The following AKNAD1 variants were observed in gnomAD, a reference collection of about 807,000 sequenced individuals.
The protein encoded by AKNAD1 is AKNA domain containing 1, also known as protein AKNAD1.
AKNAD1 carries 67 observed loss-of-function variants against 90.8 expected under a neutral mutation model. The ratio of observed to expected loss-of-function variants is 0.74; its 90% confidence interval spans 0.61 to 0.90. The LOEUF (loss-of-function observed/expected upper bound fraction) is 0.90. Among genes scored for constraint, AKNAD1 ranks in the 40% least tolerant of loss-of-function variants. The pLI, the probability that AKNAD1 is intolerant of heterozygous loss-of-function variation, is 0.00. For synonymous variants in AKNAD1, 327 were observed against 341.4 expected (o/e 0.96, Z 0.46); for missense variants, 957 against 975.4 (o/e 0.98, Z 0.25).
chr1:108,823,000 C>T lies in AKNAD1; in HGVS notation c.2167+370G>A, dbSNP rs1663866343. On this transcript the variant is annotated intron_variant, in intron 13 of 15. Coordinates refer to ENST00000370001, the MANE Select transcript of AKNAD1 (RefSeq NM_152763.5). ...TAGTCTACTTCTCTACATGCTGACT[C>T]TTAGTAGGGATATATGTAAAGCATT... 5.1e-6 allele frequency: 3 copies of T among 591,118 alleles called. No homozygotes were observed. In the Admixed American group the frequency reaches 9.1e-5, roughly 18 times the overall value. The allele number at this position is 591,118 out of a possible 1,614,324, so 36.6% of individuals were successfully genotyped here.
At chr1:108,817,965 G>T (rs1390792842) in intron 14 of AKNAD1, among the ~76,000 whole-genome samples, 1 of 152,180 alleles carries the variant, frequency 6.6e-6, no homozygotes, top group Non-Finnish European at 1.5e-5. Flanking sequence ...AAGTAAACAG[G>T]CTCCCCTTGC....
intron 13 of AKNAD1, among the ~76,000 whole-genome samples, chr1:108,822,086 C>T (rs1663831149): frequency 6.6e-6 from 1 of 152,032 alleles, no homozygotes; most frequent in African/African-American, 2.4e-5. Flanking sequence ...AATCTTGATT[C>T]TTTGGTGGTC....
chr1:108,839,367 G>A (rs949613204), intron 6 of AKNAD1, among the ~76,000 whole-genome samples: 2 of 151,886 alleles, frequency 1.3e-5, no homozygotes, highest in African/African-American at 4.8e-5. Context: ...CAGCTACTTG[G>A]GAGGCTGAGG....
intron 5 of AKNAD1, among the ~76,000 whole-genome samples, chr1:108,847,108 G>A (rs1045386298): frequency 6.6e-6 from 1 of 151,968 alleles, no homozygotes; most frequent in African/African-American, 2.4e-5. Context: ...CAATCTCTGT[G>A]CCTTCAGCCT....
rs1664422249 is a variant in AKNAD1 at position 108,837,540 on chromosome 1, G to A, written c.1536+10C>T. ...CTGGCACAAAATTAGACTGTACATT[G>A]CTGTATTACCTCATTTGAGAGTGAA... is the stretch of plus-strand genomic sequence containing the variant. On this transcript the variant is annotated intron_variant, in intron 7 of 15. Transcript: ENST00000370001. The A allele has an allele frequency of 3.1e-6, 5 of 1,613,504 alleles. No homozygotes were observed. The highest frequency in any genetic ancestry group is 4.2e-6 in the Non-Finnish European group (5 of 1,179,706).
In AKNAD1 at chr1:108,843,274, C is replaced by A; in HGVS notation, c.1246-7G>T. 2 of 1,612,702 alleles carry A rather than the reference C, an allele frequency of 1.2e-6. No individual in the cohort carries two copies. The highest frequency in any genetic ancestry group is 1.7e-6 in the Non-Finnish European group (2 of 1,179,596). On this transcript the variant is annotated splice_polypyrimidine_tract_variant and splice_region_variant and intron_variant, in intron 5 of 15. Coordinates refer to ENST00000370001, the MANE Select transcript of AKNAD1 (RefSeq NM_152763.5). ...CCTGCAGTTTCTCCAGGACCTGCAG[C>A]GGTGAAGTCACTGGAATCATTCACA...
At chr1:108,834,604 A>G in intron 8 of AKNAD1, 76 bp from the exon 9 acceptor site, 3 of 1,361,432 alleles carry the variant, frequency 2.2e-6, no homozygotes, top group Non-Finnish European at 3.0e-6. Flanking sequence ...ACTATTTGGA[A>G]TCACTTGGCA....
intron 9 of AKNAD1, among the ~76,000 whole-genome samples, chr1:108,830,945 A>G (rs962806024): frequency 1.2e-4 from 19 of 152,172 alleles, no homozygotes; most frequent in Admixed American, 8.5e-4. Context: ...CTCTAAACAG[A>G]TTTTAAAATC....
chr1:108,827,255 C>T lies in AKNAD1; in HGVS notation c.1886G>A (p.Arg629Lys), dbSNP rs767815626. Residue 629 changes from arginine (R) to lysine (K), a missense_variant, in exon 11 of 16, where the codon AGA (arginine) becomes AAA (lysine). Transcript: ENST00000370001. ...CTTTTCATGAAGGACAATTGAAAATCTTCCACAGTTGATCCTTCCGTGGCC... is the reference window on the plus strand; with the variant it reads ...CTTTTCATGAAGGACAATTGAAAATTTTCCACAGTTGATCCTTCCGTGGCC... The part of the protein sequence containing the change: ...KKGHGRINCG[R>K]FSIVLHEKAP... The T allele has an allele frequency of 3.1e-6, 5 of 1,611,884 alleles. 1 individual carries two copies. The highest frequency in any genetic ancestry group is 2.3e-5 in the East Asian group (1 of 44,100).
At chr1:108,857,829 G>A (rs111827354), upstream of AKNAD1, among the ~76,000 whole-genome samples, 2,135 of 152,270 alleles carry the variant, frequency 0.014, 33 homozygotes, top group South Asian at 0.058. Flanking sequence ...ACTTTGTCAC[G>A]GTAAGAGTTG....
At chr1:108,818,819 T>C (rs1156389996) in intron 14 of AKNAD1, among the ~76,000 whole-genome samples, 13 of 151,710 alleles carry the variant, frequency 8.6e-5, no homozygotes, top group African/African-American at 2.9e-4. Context: ...AAAAATTAGC[T>C]GGGCATGGTG....
intron 6 of AKNAD1, among the ~76,000 whole-genome samples, chr1:108,842,070 G>A (rs1370441597): frequency 6.6e-6 from 1 of 152,080 alleles, no homozygotes; most frequent in Non-Finnish European, 1.5e-5. Context: ...TTAAATAGCA[G>A]AAGCATGCAG....
intron 5 of AKNAD1, among the ~76,000 whole-genome samples, chr1:108,845,375 G>A (rs555655266): frequency 1.9e-4 from 29 of 152,246 alleles, no homozygotes; most frequent in Middle Eastern, 3.4e-3. Context: ...CACCTGTGCC[G>A]TCATGGAGTT....
chr1:108,830,274 C>G (rs1016453781), intron 10 of AKNAD1, among the ~76,000 whole-genome samples: 4 of 152,152 alleles, frequency 2.6e-5, no homozygotes, highest in African/African-American at 9.7e-5. Context: ...AAGCAATATT[C>G]CTACCAGAGC....
intron 14 of AKNAD1, among the ~76,000 whole-genome samples, chr1:108,818,146 G>A (rs1336520794): frequency 6.6e-6 from 1 of 152,164 alleles, no homozygotes; most frequent in African/African-American, 2.4e-5. Flanking sequence ...TCAAGCATGA[G>A]CAGTGGCCCT....
intron 6 of AKNAD1, among the ~76,000 whole-genome samples, chr1:108,841,332 G>A (rs997444773): frequency 1.3e-5 from 2 of 152,122 alleles, no homozygotes; most frequent in African/African-American, 2.4e-5. Context: ...ATGGGGATTT[G>A]GAGATAGAAG....
intron 11 of AKNAD1, 105 bp downstream of exon 11, chr1:108,827,100 G>T (rs1664022449): frequency 2.6e-6 from 2 of 774,972 alleles, no homozygotes. Flanking sequence ...CTAGTGTAGG[G>T]AAATGCTCTT....
intron 6 of AKNAD1, among the ~76,000 whole-genome samples, chr1:108,839,582 C>G (rs1278893792): frequency 6.6e-6 from 1 of 151,680 alleles, no homozygotes; most frequent in Non-Finnish European, 1.5e-5. Context: ...AACTAGATTT[C>G]TAAATCCCAT....
intron 13 of AKNAD1, 24 bp downstream of exon 13, chr1:108,823,346 G>A: frequency 2.0e-6 from 3 of 1,518,580 alleles, no homozygotes; most frequent in East Asian, 2.3e-5. Context: ...GATATGGATG[G>A]GGTCATGCAG....
Sources: gnomAD v4.1 joint callset for allele counts (sites outside exome capture counted in the v4.1 genomes callset) on GRCh38, gnomAD v4.1.1 for gene constraint, MANE v1.5 for transcripts, NCBI Gene and HGNC (gene_info 2026-07-23, HGNC 2026-07-21) for gene names.